The following NNT variants were observed in gnomAD, a reference collection of about 807,000 sequenced individuals.
The protein encoded by NNT is nicotinamide nucleotide transhydrogenase.
Under a neutral mutation model 104.8 loss-of-function variants are expected in NNT, and 50 were observed. The ratio of observed to expected loss-of-function variants is 0.48; its 90% CI spans 0.38 to 0.60. The LOEUF (loss-of-function observed/expected upper bound fraction) is 0.60, where lower values mean the gene tolerates loss of function less well. NNT is among the 20% of genes least tolerant of loss of function. NNT has a pLI of 0.00. For missense variants in NNT, 1,131 were observed against 1,330.7 expected (o/e 0.85, Z 2.33); for synonymous variants, 461 against 490.4 (o/e 0.94, Z 0.79).
Position 43,675,838 on chromosome 5 carries a change from TTTAAA to T in NNT, c.2794+173_2794+177del, listed in dbSNP as rs1371210599. 5.9e-5 allele frequency among the ~76,000 whole-genome samples: 9 copies of T among 152,270 alleles called. 1 individual carries two copies. The highest frequency in any genetic ancestry group is 2.0e-4 in the Admixed American group (3 of 15,290). On this transcript the variant is annotated intron_variant, in intron 18 of 21. Coordinates refer to ENST00000344920, the MANE Select transcript of NNT (RefSeq NM_182977.3). ...AGTGAAAAATACTGAGAATTCTCAG[TTTAAA>T]TTAATATTTTGGAGATCACATGGAA...
intron 19 of NNT, among the ~76,000 whole-genome samples, chr5:43,683,356 C>T (rs1344571954): frequency 6.6e-6 from 1 of 152,220 alleles, no homozygotes; most frequent in East Asian, 1.9e-4. Context: ...ATCTTGTCCA[C>T]AGCATATTGG....
chr5:43,687,063 CTT>C (rs1742026993), intron 19 of NNT, among the ~76,000 whole-genome samples: 2 of 152,144 alleles, frequency 1.3e-5, no homozygotes, highest in Non-Finnish European at 2.9e-5. Context: ...CCTTCTCTCT[CTT>C]GAATGGAGTC....
At chr5:43,627,827 T>C (rs1390433747) in intron 6 of NNT, among the ~76,000 whole-genome samples, 1 of 152,132 alleles carries the variant, frequency 6.6e-6, no homozygotes, top group Admixed American at 6.5e-5. Context: ...TATTTACAAG[T>C]GAAAAACCTC....
At chr5:43,680,876 G>C (rs552047589) in intron 19 of NNT, among the ~76,000 whole-genome samples, 4 of 152,072 alleles carry the variant, frequency 2.6e-5, no homozygotes, top group Non-Finnish European at 5.9e-5. Context: ...ACAATCTTAC[G>C]ACGTAAGAGC....
At chr5:43,635,500 C>T (rs951547926) in intron 7 of NNT, among the ~76,000 whole-genome samples, 13 of 152,160 alleles carry the variant, frequency 8.5e-5, no homozygotes, top group Admixed American at 5.9e-4. Flanking sequence ...TTGTCTAGCT[C>T]TGTGCCCAGG....
intron 5 of NNT, 64 bp downstream of exon 5, chr5:43,619,183 C>A (rs1313307307): frequency 1.1e-6 from 1 of 892,388 alleles, no homozygotes; most frequent in Non-Finnish European, 1.6e-6. Context: ...TATGTATAGT[C>A]TTAAAATACA....
intron 5 of NNT, among the ~76,000 whole-genome samples, chr5:43,621,240 A>G (rs1008010584): frequency 1.3e-5 from 2 of 152,202 alleles, no homozygotes; most frequent in African/African-American, 4.8e-5. Flanking sequence ...TTAAAACATT[A>G]TGTGATTTTT....
intron 3 of NNT, 188 bp downstream of exon 3, chr5:43,613,325 A>T: frequency 1.8e-6 from 1 of 562,880 alleles, no homozygotes; most frequent in Non-Finnish European, 3.1e-6. Context: ...AGACAATATG[A>T]TCTATGTTTA....
chr5:43,623,418 C>T (rs1052294655), intron 5 of NNT, among the ~76,000 whole-genome samples: 3 of 152,088 alleles, frequency 2.0e-5, no homozygotes, highest in African/African-American at 7.2e-5. Flanking sequence ...TTTTTTGGTT[C>T]TCTTGTTGCT....
At chr5:43,629,428 G>GTCTTTT (rs1750558314) in intron 7 of NNT, among the ~76,000 whole-genome samples, 1 of 152,156 alleles carries the variant, frequency 6.6e-6, no homozygotes, top group Non-Finnish European at 1.5e-5. Context: ...GAATTGTGCT[G>GTCTTTT]CTATAAACAT....
In NNT at chr5:43,612,125, C is replaced by T. The variant is rs932600285; in HGVS notation, c.152-783C>T. Among the ~76,000 whole-genome samples, 6 of 152,266 alleles carry T rather than the reference C, an allele frequency of 3.9e-5. No homozygotes were observed. The East Asian group carries it at 9.6e-4, about 24-fold the overall frequency. On this transcript the variant is annotated intron_variant, in intron 2 of 21. Transcript: ENST00000344920. ...ATGTTTCTATCACTGTTACTGCTGA[C>T]CTCCCTTTGATTACCTCATAGCTGT...
At chr5:43,681,928 T>C (rs1340169720) in intron 19 of NNT, among the ~76,000 whole-genome samples, 1 of 152,180 alleles carries the variant, frequency 6.6e-6, no homozygotes, top group Admixed American at 6.5e-5. Flanking sequence ...AGTAGAGTAG[T>C]AGTAAGAATG....
chr5:43,645,992 C>T (rs147582057), intron 10 of NNT, among the ~76,000 whole-genome samples: 15 of 151,810 alleles, frequency 9.9e-5, no homozygotes, highest in Non-Finnish European at 1.8e-4. Context: ...AGATTACAGG[C>T]GTGAGCCACT....
rs1561337763 is a variant in NNT, at chr5:43,704,329, G to GGTGAT, written c.3187_3188insTGATG (p.Ala1063ValfsTer6). 1.2e-6 allele frequency: 2 copies of GGTGAT among 1,612,408 alleles called. No homozygotes were observed. On this transcript the variant is annotated frameshift_variant, in exon 22 of 22. Transcript: ENST00000344920. LOFTEE classifies it high-confidence loss of function. Reference sequence around the variant, plus strand: ...ATCCAATCTTCTACAAACCTAACACGGCCATGCTTCTAGGTGATGCCAAGA... The same window carrying GGTGAT: ...ATCCAATCTTCTACAAACCTAACACGGTGATGCCATGCTTCTAGGTGATGCCAAGA...
In NNT at chr5:43,615,859, T is replaced by C. The variant is rs1048992759; in HGVS notation, c.393T>C (p.Pro131=). The C allele has an allele frequency of 6.2e-7, 1 of 1,613,566 alleles. No individual in the cohort carries two copies. Among genetic ancestry groups the C allele is most frequent in the Non-Finnish European group, 8.5e-7 (1 of 1,179,752 alleles). ...ASDLVVKVRA[P]MVNPTLGVHE... ...GATTTTTTCCCCAGGTGCGAGCCCC[T>C]ATGGTTAATCCAACATTAGGTGTTC... Residue 131 remains proline, a synonymous_variant, in exon 4 of 22, where the codon CCT becomes CCC. Transcript: ENST00000344920.
Position 43,644,270 on chromosome 5 carries a change from C to G in NNT, c.1043C>G (p.Ala348Gly). 6.2e-7 allele frequency: 1 copy of G among 1,613,872 alleles called. No individual in the cohort carries two copies. Among genetic ancestry groups the G allele is most frequent in the African/African-American group, 1.3e-5 (1 of 75,004 alleles). The change falls in exon 8 of 22, where the codon GCT becomes GGT. Residue 348 changes from alanine (A) to glycine (G), a missense_variant. By Grantham distance (60) the Ala-to-Gly change is moderately conservative (BLOSUM62 0). Coordinates refer to ENST00000344920, the MANE Select transcript of NNT (RefSeq NM_182977.3). ...KEGSVVVDLA[A>G]EAGGNFETTK... The stretch of plus-strand genomic sequence containing the variant: ...GGTTCAGTTGTTGTGGATTTAGCTG[C>G]TGAGGCTGGTGGAAACTTTGAAACC...
chr5:43,665,152 CT>C (rs1740565958), intron 17 of NNT, among the ~76,000 whole-genome samples: 1 of 151,952 alleles, frequency 6.6e-6, no homozygotes, highest in East Asian at 1.9e-4. Context: ...TTCTGCAGGA[CT>C]GTGTAATAAG....
chr5:43,644,693 A>G lies in NNT; in HGVS notation c.1181A>G (p.Lys394Arg), dbSNP rs1197223693. The G allele has an allele frequency of 6.2e-7, 1 of 1,614,216 alleles. No individual in the cohort carries two copies. The highest frequency in any genetic ancestry group is 1.7e-5 in the Admixed American group (1 of 60,028). Reference protein sequence around the residue: ...ASTLYSNNITKLLKAISPDKD... With the variant: ...ASTLYSNNITRLLKAISPDKD... Reference sequence around the variant, plus strand: ...ACCCTATATTCCAACAACATCACCAAACTCCTGAAGGCCATCAGCCCGGAC... The same window carrying G: ...ACCCTATATTCCAACAACATCACCAGACTCCTGAAGGCCATCAGCCCGGAC... Residue 394 changes from lysine (K) to arginine (R), a missense_variant, in exon 9 of 22, where the codon AAA (lysine) becomes AGA (arginine). Physicochemically the swap from Lys to Arg is conservative, Grantham distance 26 (BLOSUM62 2). Transcript: ENST00000344920.
chr5:43,628,140 TC>T (rs1750463683), intron 6 of NNT, 59 bp from the exon 7 acceptor site: 6 of 1,296,934 alleles, frequency 4.6e-6, no homozygotes, highest in South Asian at 1.9e-5. Flanking sequence ...TAAATGATGA[TC>T]TTGACTTCTT....
Sources: gnomAD v4.1 joint callset for allele counts (sites outside exome capture counted in the v4.1 genomes callset) on GRCh38, gnomAD v4.1.1 for gene constraint, MANE v1.5 for transcripts, NCBI Gene and HGNC (gene_info 2026-07-23, HGNC 2026-07-21) for gene names.